CRACR2A: variants seen among roughly 807,000 people sequenced by gnomAD.
CRACR2A encodes calcium release activated channel regulator 2A.
CRACR2A carries 79 observed loss-of-function variants against 90.5 expected under a neutral mutation model. The ratio of observed to expected loss-of-function variants is 0.87; its 90% CI spans 0.73 to 1.05. CRACR2A has a LOEUF of 1.05. Among genes scored for constraint, CRACR2A ranks in the 50% least tolerant of loss-of-function variants. The pLI is 0.00. For missense variants in CRACR2A, 823 were observed against 897.2 expected, an observed-to-expected ratio of 0.92 and a Z score of 1.06; for synonymous variants, 338 against 356.7, an observed-to-expected ratio of 0.95 and a Z score of 0.59.
rs77768220 is a variant in CRACR2A at position 3,715,682 on chromosome 12, A to G, written c.-117-2365T>C. Among the ~76,000 whole-genome samples, 210 of 152,348 alleles carry G rather than the reference A, an allele frequency of 1.4e-3. 3 individuals carry two copies. In the East Asian group the frequency reaches 0.038, roughly 28 times the overall value. On this transcript the variant is annotated intron_variant, in intron 2 of 19. Transcript: ENST00000440314. Reference sequence around the variant, plus strand: ...TAGCTAACAATAAAAGGGGACTTCAAAAAGTTCATAAAAATGGAATTAAAA... The same window carrying G: ...TAGCTAACAATAAAAGGGGACTTCAGAAAGTTCATAAAAATGGAATTAAAA...
chr12:3,720,419 GAAA>G (rs1946148459), intron 2 of CRACR2A, among the ~76,000 whole-genome samples: 7 of 74,372 alleles, frequency 9.4e-5, no homozygotes, highest in Non-Finnish European at 2.0e-4. Flanking sequence ...GAGAGAGGAA[GAAA>G]GAAAGAAAGA....
Position 3,648,595 on chromosome 12 carries a change from C to T in CRACR2A, c.1065G>A (p.Thr355=), listed in dbSNP as rs561395966. The change falls in exon 11 of 20, where the codon ACG becomes ACA. Residue 355 remains threonine, a synonymous_variant. Transcript: ENST00000440314. ...CGGCCTTCTCACGCTGTAGACTCTCCGTCACACGGTACACTTCCCTGAGGA... is the reference window on the plus strand; with the variant it reads ...CGGCCTTCTCACGCTGTAGACTCTCTGTCACACGGTACACTTCCCTGAGGA... ...QEKEMEVYRV[T]ESLQREKAGL... The T allele has an allele frequency of 3.3e-5, 53 of 1,613,910 alleles. 1 individual carries two copies. The South Asian group carries it at 3.5e-4, about 11-fold the overall frequency.
chr12:3,723,504 A>C (rs2015034), intron 2 of CRACR2A, among the ~76,000 whole-genome samples: 28,810 of 151,972 alleles, frequency 0.19, 3,298 homozygotes, highest in Middle Eastern at 0.28. Context: ...CTCAACTGGA[A>C]ACGTTTTCAC....
chr12:3,676,428 G>A (rs989713110), intron 6 of CRACR2A, among the ~76,000 whole-genome samples: 8 of 152,204 alleles, frequency 5.3e-5, no homozygotes, highest in African/African-American at 1.4e-4. Flanking sequence ...TGGTGTGAAT[G>A]TTTATATCTC....
chr12:3,713,841 C>T (rs1946043699), intron 2 of CRACR2A, among the ~76,000 whole-genome samples: 1 of 152,150 alleles, frequency 6.6e-6, no homozygotes, highest in Non-Finnish European at 1.5e-5. Flanking sequence ...GGAGGAGGGA[C>T]AGGCTTAGGG....
chr12:3,670,313 A>T (rs191565103), intron 7 of CRACR2A, among the ~76,000 whole-genome samples: 1 of 152,010 alleles, frequency 6.6e-6, no homozygotes, highest in Non-Finnish European at 1.5e-5. Context: ...CGCCTGGGAG[A>T]TATTCTCACA....
At chr12:3,688,191 A>G (rs1246212639) in intron 4 of CRACR2A, among the ~76,000 whole-genome samples, 1 of 152,104 alleles carries the variant, frequency 6.6e-6, no homozygotes, top group Admixed American at 6.5e-5. Context: ...TCTTTAGTTT[A>G]ATTAGATTCC....
intron 7 of CRACR2A, among the ~76,000 whole-genome samples, chr12:3,670,666 C>T (rs780365863): frequency 9.2e-5 from 14 of 152,126 alleles, no homozygotes; most frequent in Admixed American, 1.3e-4. Context: ...AGAAAACATC[C>T]GATGTTGCCA....
chr12:3,695,239 C>A (rs1945719028), intron 4 of CRACR2A, among the ~76,000 whole-genome samples: 1 of 152,196 alleles, frequency 6.6e-6, no homozygotes, highest in South Asian at 2.1e-4. Flanking sequence ...ACACCAACCA[C>A]CGCTACTGCA....
intron 7 of CRACR2A, among the ~76,000 whole-genome samples, chr12:3,666,968 A>G (rs1005690812): frequency 1.2e-4 from 18 of 152,340 alleles, no homozygotes; most frequent in Non-Finnish European, 2.4e-4. Context: ...ATTTAGGTAC[A>G]TTTCAGGAGC....
intron 7 of CRACR2A, chr12:3,672,770 C>T: frequency 1.0e-6 from 1 of 985,446 alleles, no homozygotes; most frequent in Non-Finnish European, 1.2e-6. Context: ...GCAGCTTCTT[C>T]AGGGCTGTGA....
chr12:3,648,312 TC>T, intron 11 of CRACR2A: 2 of 1,446,854 alleles, frequency 1.4e-6, no homozygotes, highest in Non-Finnish European at 1.8e-6. Context: ...GGGCAGAGCC[TC>T]CCCACCAGGA....
chr12:3,690,586 G>C (rs1223778591), intron 4 of CRACR2A, among the ~76,000 whole-genome samples: 1 of 152,156 alleles, frequency 6.6e-6, no homozygotes, highest in Non-Finnish European at 1.5e-5. Flanking sequence ...CAATTATGTG[G>C]CCAAATTAAG....
At chr12:3,634,721 C>T (rs542360036) in intron 14 of CRACR2A, among the ~76,000 whole-genome samples, 2 of 152,264 alleles carry the variant, frequency 1.3e-5, no homozygotes, top group East Asian at 3.9e-4. Context: ...TGAGCAAATA[C>T]TATAATGTAG....
At chr12:3,617,662 A>G (rs1237418577) in intron 18 of CRACR2A, among the ~76,000 whole-genome samples, 2 of 152,212 alleles carry the variant, frequency 1.3e-5, no homozygotes, top group Non-Finnish European at 2.9e-5. Context: ...TGCTGCCTGC[A>G]TGGTGCGGGA....
intron 4 of CRACR2A, among the ~76,000 whole-genome samples, chr12:3,683,583 A>G (rs1945496019): frequency 6.6e-6 from 1 of 152,164 alleles, no homozygotes; most frequent in Admixed American, 6.5e-5. Flanking sequence ...GCACCTCCCC[A>G]GGTTAGGTCA....
intron 1 of CRACR2A, among the ~76,000 whole-genome samples, chr12:3,740,234 T>C (rs574202704): frequency 1.3e-5 from 2 of 152,062 alleles, no homozygotes; most frequent in Non-Finnish European, 2.9e-5. Flanking sequence ...TACTCTCAGT[T>C]TGATTAGGGA....
chr12:3,637,555 G>A (rs909190098), intron 14 of CRACR2A, among the ~76,000 whole-genome samples: 3 of 151,854 alleles, frequency 2.0e-5, no homozygotes, highest in African/African-American at 4.8e-5. Context: ...AGTACCAAGC[G>A]TTATCAGTAC....
At chr12:3,634,818 G>C (rs1008762672) in intron 14 of CRACR2A, among the ~76,000 whole-genome samples, 1 of 151,986 alleles carries the variant, frequency 6.6e-6, no homozygotes, top group African/African-American at 2.4e-5. Context: ...CAGTATTTAG[G>C]AGAGAATTCA....
Sources: allele counts gnomAD v4.1 joint callset (sites outside exome capture counted in the v4.1 genomes callset), GRCh38; gene constraint gnomAD v4.1.1; transcripts MANE v1.5; gene names NCBI Gene and HGNC (gene_info 2026-07-23, HGNC 2026-07-21).